CELF5: variants seen among roughly 807,000 people sequenced by gnomAD.
CELF5 encodes CUGBP Elav-like family member 5.
CELF5 carries 6 observed loss-of-function variants against 54.9 expected under a neutral mutation model. The observed-to-expected ratio is 0.11, with a 90% CI of 0.06 to 0.22. The LOEUF is 0.22. Among genes scored for constraint, CELF5 ranks in the 10% least tolerant of loss-of-function variants. The pLI is 1.00. For synonymous variants in CELF5, 271 were observed against 290.9 expected (o/e 0.93, Z 0.70); for missense variants, 401 against 678.6 (o/e 0.59, Z 4.54).
intron 1 of CELF5, among the ~76,000 whole-genome samples, chr19:3,231,755 T>G (rs1917273753): frequency 6.5e-5 from 1 of 15,300 alleles, no homozygotes. Context: ...GGCATATGGA[T>G]GGGTGGGTGG....
At chr19:3,283,650 T>A (rs2080187194) in intron 8 of CELF5, among the ~76,000 whole-genome samples, 1 of 151,994 alleles carries the variant, frequency 6.6e-6, no homozygotes, top group Non-Finnish European at 1.5e-5. Context: ...ACATTTTATT[T>A]TGAAATGATT....
chr19:3,252,081 T>C (rs79987725), intron 2 of CELF5, among the ~76,000 whole-genome samples: 9,902 of 152,042 alleles, frequency 0.065, 850 homozygotes, highest in East Asian at 0.43. Context: ...AGGGTCTTGC[T>C]CTGTTACCCA....
At chr19:3,263,249 A>AG (rs2079831531) in intron 2 of CELF5, among the ~76,000 whole-genome samples, 3 of 134,114 alleles carry the variant, frequency 2.2e-5, no homozygotes, top group Non-Finnish European at 3.2e-5. Flanking sequence ...TCTGTCTCAA[A>AG]AAAAAAAAAA....
At chr19:3,271,433 A>G (rs762380464) in intron 2 of CELF5, among the ~76,000 whole-genome samples, 1 of 151,930 alleles carries the variant, frequency 6.6e-6, no homozygotes, top group Non-Finnish European at 1.5e-5. Context: ...AAGAGCATGG[A>G]GGTTTTCCTC....
chr19:3,225,139 C>G, intron 1 of CELF5, 141 bp downstream of exon 1: 1 of 506,184 alleles, frequency 2.0e-6, no homozygotes, highest in Non-Finnish European at 3.3e-6. Context: ...GGTTCTTACC[C>G]CCTCCCTCCC....
At chr19:3,270,096 C>T (rs2145209959) in intron 2 of CELF5, among the ~76,000 whole-genome samples, 1 of 152,250 alleles carries the variant, frequency 6.6e-6, no homozygotes, top group African/African-American at 2.4e-5. Context: ...CCAGGACAGC[C>T]TTTGGCTCTT....
At chr19:3,291,088 C>T (rs544594233) in intron 11 of CELF5, among the ~76,000 whole-genome samples, 2 of 149,390 alleles carry the variant, frequency 1.3e-5, no homozygotes, top group African/African-American at 2.4e-5. Context: ...TAGCAAGACC[C>T]CATTTCTACA....
chr19:3,231,788 G>T (rs1201971205), intron 1 of CELF5, among the ~76,000 whole-genome samples: 3 of 147,932 alleles, frequency 2.0e-5, no homozygotes, highest in African/African-American at 5.0e-5. Flanking sequence ...GTCAATGAGT[G>T]CATGGATGGA....
rs567699284 is a variant in CELF5 at position 3,225,058 on chromosome 19, G to T, written c.259+60G>T. ...CCTCCGCCTCCCACCCCACCTTCCG[G>T]CATCTTCTCTCCCCCATCACCATCC... On this transcript the variant is annotated intron_variant, in intron 1 of 12. Transcript: ENST00000292672. The T allele has an allele frequency of 5.4e-4, 594 of 1,108,362 alleles. 1 individual carries two copies. The African/African-American group carries it at 0.013, about 24-fold the overall frequency. 68.7% of individuals were successfully genotyped at this position (1,108,362 alleles called of 1,614,324 possible).
intron 8 of CELF5, among the ~76,000 whole-genome samples, chr19:3,283,138 C>G (rs764731075): frequency 1.2e-4 from 18 of 152,148 alleles, no homozygotes; most frequent in African/African-American, 4.1e-4. Flanking sequence ...ATATCAATGC[C>G]TGGATTCATT....
At chr19:3,284,998 T>TCGCCCCGCCCCCGCCCAG in intron 9 of CELF5, 34 bp downstream of exon 9, 1 of 1,504,258 alleles carries the variant, frequency 6.6e-7, no homozygotes, top group Non-Finnish European at 9.1e-7. Context: ...CGCTGGGCCC[T>TCGCCCCGCCCCCGCCCAG]GGCCCCGCCC....
At position 3,224,855 on chromosome 19, in the gene CELF5, T is replaced by C; in HGVS notation, c.116T>C (p.Met39Thr). ...CCCCCCGGGGGGCAGCCCGACGGCA[T>C]GAAGGACCTGGACGCCATCAAACTC... The part of the protein sequence containing the change: ...PEPPGGQPDG[M>T]KDLDAIKLFV... Residue 39 changes from methionine (M) to threonine (T), a missense_variant, in exon 1 of 13, where the codon ATG (methionine) becomes ACG (threonine). By Grantham distance (81) the Met-to-Thr change is moderately conservative (BLOSUM62 -1). Around this residue, in one of 6 missense-constraint regions of CELF5, gnomAD observed 66 missense variants for 132.3 expected, o/e 0.50. Transcript: ENST00000292672. 6.2e-7 allele frequency: 1 copy of C among 1,603,138 alleles called. No homozygotes were observed. The highest frequency in any genetic ancestry group is 8.5e-7 in the Non-Finnish European group (1 of 1,175,680).
intron 2 of CELF5, among the ~76,000 whole-genome samples, chr19:3,271,557 A>G (rs1172578441): frequency 6.6e-6 from 1 of 152,150 alleles, no homozygotes; most frequent in African/African-American, 2.4e-5. Context: ...CTGGGGCCCC[A>G]AAGACTGAGT....
intron 1 of CELF5, among the ~76,000 whole-genome samples, chr19:3,239,032 T>C (rs1354311041): frequency 6.6e-6 from 1 of 152,160 alleles, no homozygotes; most frequent in African/African-American, 2.4e-5. Context: ...ATCTGCAAAG[T>C]CTCTTTTTCC....
chr19:3,266,860 A>G (rs1390471359), intron 2 of CELF5, among the ~76,000 whole-genome samples: 1 of 152,202 alleles, frequency 6.6e-6, no homozygotes, highest in Non-Finnish European at 1.5e-5. Context: ...ACGCTCGCTC[A>G]TCTGAGCTCC....
In CELF5 at chr19:3,245,476, G is replaced by C. The variant is rs1484533411; in HGVS notation, c.260-5509G>C. Among the ~76,000 whole-genome samples, 8 of 151,204 alleles carry C rather than the reference G, an allele frequency of 5.3e-5. No individual in the cohort carries two copies. The Admixed American group carries it at 5.3e-4, about 10-fold the overall frequency. ...CACTGCAGAGCTCCCAGACCCTGGG[G>C]CTGATGGCCTTAAATGTTGCTCAGG... is the stretch of plus-strand genomic sequence containing the variant. On this transcript the variant is annotated intron_variant, in intron 1 of 12. Transcript: ENST00000292672.
intron 10 of CELF5, chr19:3,286,731 C>CAAAAAAAAAAA (rs869111454): frequency 5.0e-5 from 3 of 59,596 alleles, no homozygotes; most frequent in Admixed American, 2.5e-4. Flanking sequence ...GACTCCATCT[C>CAAAAAAAAAAA]AAAAAAAAAA....
intron 2 of CELF5, among the ~76,000 whole-genome samples, chr19:3,257,950 C>A (rs143285793): frequency 1.1e-3 from 160 of 151,558 alleles, no homozygotes; most frequent in Non-Finnish European, 1.7e-3. Context: ...CAGGTGCACA[C>A]CACCATACCT....
chr19:3,264,062 T>C (rs2079846288), intron 2 of CELF5, among the ~76,000 whole-genome samples: 1 of 152,200 alleles, frequency 6.6e-6, no homozygotes. Context: ...CCCAACTCTT[T>C]TCTTTCTGCT....
Sources: allele counts gnomAD v4.1 joint callset (sites outside exome capture counted in the v4.1 genomes callset), GRCh38; gene constraint gnomAD v4.1.1; regional missense constraint gnomAD v4.1.1; transcripts MANE v1.5; gene names NCBI Gene and HGNC (gene_info 2026-07-23, HGNC 2026-07-21).